The following EIF5A2 variants were observed in gnomAD, a reference collection of about 807,000 sequenced individuals.
The protein encoded by EIF5A2 is eukaryotic translation initiation factor 5A2, also known as eukaryotic translation initiation factor 5A-2.
Under a neutral mutation model 16.4 loss-of-function variants are expected in EIF5A2, and 15 were observed. The observed-to-expected ratio is 0.92, with a 90% CI of 0.61 to 1.41. The LOEUF (loss-of-function observed/expected upper bound fraction) is 1.41. Among genes scored for constraint, EIF5A2 ranks in the 40% most tolerant of loss-of-function variants. The pLI, the probability that EIF5A2 is intolerant of heterozygous loss-of-function variation, is 0.00. For missense variants in EIF5A2, 144 were observed against 189.5 expected (o/e 0.76, Z 1.41); for synonymous variants, 48 against 61.1 (o/e 0.79, Z 1.00).
chr3:170,896,920 G>C (rs1244114181), intron 3 of EIF5A2, among the ~76,000 whole-genome samples: 1 of 152,194 alleles, frequency 6.6e-6, no homozygotes, highest in African/African-American at 2.4e-5. Flanking sequence ...GTGAAGTCCA[G>C]GCTGAGGTGG....
At position 170,906,897 on chromosome 3, in the gene EIF5A2, C is replaced by G. The variant is rs147511047; in HGVS notation, c.270+92G>C. ...TAATTGGTTAGAAAAACCTACAAAA[C>G]TACTCTTGGGTTTTGTCAAATTATT... On this transcript the variant is annotated intron_variant, in intron 3 of 4. Transcript: ENST00000295822. The G allele has an allele frequency of 1.7e-3, 1,314 of 753,540 alleles. 2 individuals carry two copies. The highest frequency in any genetic ancestry group is 0.011 in the Middle Eastern group (29 of 2,638). 46.7% of individuals were successfully genotyped at this position (753,540 alleles called of 1,614,324 possible).
In EIF5A2 at chr3:170,889,376, AAAT is replaced by A. The variant is rs1411782187; in HGVS notation, c.*3981_*3983del. The A allele has an allele frequency of 1.3e-5, 2 of 152,454 alleles. No homozygotes were observed. The highest frequency in any genetic ancestry group is 2.9e-5 in the Non-Finnish European group (2 of 67,944). 9.4% of individuals were successfully genotyped at this position (152,454 alleles called of 1,614,324 possible). A position where few individuals can be genotyped will look rare whatever the true frequency, so the allele number is the denominator to read the frequency against. On this transcript the variant is annotated 3_prime_UTR_variant, in exon 5 of 5. Transcript: ENST00000295822. Reference sequence around the variant, plus strand: ...AATCCAAATGTTCCCTGCTAAAATCAAATAATGATGCCATATACCCAATTCAGA... The same window carrying A: ...AATCCAAATGTTCCCTGCTAAAATCAAATGATGCCATATACCCAATTCAGA...
chr3:170,899,623 T>G (rs1353316161), intron 3 of EIF5A2, among the ~76,000 whole-genome samples: 2 of 152,020 alleles, frequency 1.3e-5, no homozygotes, highest in Non-Finnish European at 1.5e-5. Flanking sequence ...AAATGTCAAT[T>G]TGTCCCATTA....
Position 170,907,039 on chromosome 3 carries a change from G to C in EIF5A2, c.220C>G (p.Pro74Ala). The change falls in exon 3 of 5, where the codon CCT (proline) becomes GCT (alanine). Residue 74 changes from proline (P) to alanine (A), a missense_variant. Transcript: ENST00000295822. ...GGAACATCCATGTTGTGAGTAGAAG[G>C]ACAAATATCTTCATATTTTTTGCCC... ...FTGKKYEDIC[P>A]STHNMDVPNI... 2 of 1,612,646 alleles carry C rather than the reference G, an allele frequency of 1.2e-6. No homozygotes were observed. The highest frequency in any genetic ancestry group is 2.2e-5 in the East Asian group (1 of 44,766).
intron 3 of EIF5A2, among the ~76,000 whole-genome samples, chr3:170,896,470 G>A (rs1348526871): frequency 6.6e-6 from 1 of 152,096 alleles, no homozygotes; most frequent in African/African-American, 2.4e-5. Context: ...TGGATCATGG[G>A]GTCAGTCTCC....
chr3:170,906,934 A>G, intron 3 of EIF5A2, 55 bp downstream of exon 3: 1 of 1,223,302 alleles, frequency 8.2e-7, no homozygotes, highest in Non-Finnish European at 1.2e-6. Context: ...CTGATAGTAC[A>G]AAGTATTTGC....
In EIF5A2 at chr3:170,888,952, A is replaced by G. The variant is rs1712452862; in HGVS notation, c.*4408T>C. ...TCGGTCATTGCTGAAAATAGTCCAG[A>G]GTTTTTTAAAAAGTGCAATCTTGAA... On this transcript the variant is annotated 3_prime_UTR_variant, in exon 5 of 5. Transcript: ENST00000295822. The G allele has an allele frequency of 6.6e-6, 1 of 150,720 alleles. No individual in the cohort carries two copies. Among genetic ancestry groups the G allele is most frequent in the Non-Finnish European group, 1.5e-5 (1 of 67,696 alleles). The allele number at this position is 150,720 out of a possible 1,614,324, so 9.3% of individuals were successfully genotyped here.
Position 170,894,715 on chromosome 3 carries a change from G to T in EIF5A2, c.271-292C>A, listed in dbSNP as rs182448650. Among the ~76,000 whole-genome samples the T allele has an allele frequency of 1.0e-4, 15 of 144,360 alleles. 1 individual carries two copies. The East Asian group carries it at 2.6e-3, about 25-fold the overall frequency. 94.7% of individuals were successfully genotyped at this position (144,360 alleles called of 152,430 possible). ...ACAAAATAAATATAGTTGCTGTTTT[G>T]TTTTTTTTTTTAATCAAAATGGGAT... is the stretch of plus-strand genomic sequence containing the variant. On this transcript the variant is annotated intron_variant, in intron 3 of 4. Coordinates refer to ENST00000295822, the MANE Select transcript of EIF5A2 (RefSeq NM_020390.6).
intron 3 of EIF5A2, among the ~76,000 whole-genome samples, chr3:170,903,317 A>C (rs1038768245): frequency 3.9e-5 from 6 of 152,182 alleles, no homozygotes; most frequent in African/African-American, 1.2e-4. Flanking sequence ...CAACACCCAG[A>C]TAATTCGCTG....
chr3:170,903,551 AC>A (rs1355200028), intron 3 of EIF5A2, among the ~76,000 whole-genome samples: 2 of 152,304 alleles, frequency 1.3e-5, no homozygotes, highest in East Asian at 3.9e-4. Context: ...TGATCCTGTA[AC>A]AAATATTTGC....
At chr3:170,898,389 G>A (rs189947142) in intron 3 of EIF5A2, among the ~76,000 whole-genome samples, 109 of 152,300 alleles carry the variant, frequency 7.2e-4, no homozygotes, top group African/African-American at 2.5e-3. Context: ...CATGTCAAGG[G>A]AGGAACCTGG....
chr3:170,906,056 C>T (rs866911191), intron 3 of EIF5A2, among the ~76,000 whole-genome samples: 3 of 151,838 alleles, frequency 2.0e-5, no homozygotes, highest in South Asian at 2.1e-4. Context: ...GAAATCATTG[C>T]GTAAGTGCAG....
chr3:170,906,988 C>T lies in EIF5A2; in HGVS notation c.270+1G>A, dbSNP rs1487198600. The T allele has an allele frequency of 6.3e-7, 1 of 1,579,738 alleles. No homozygotes were observed. The highest frequency in any genetic ancestry group is 8.7e-7 in the Non-Finnish European group (1 of 1,153,322). On this transcript the variant is annotated splice_donor_variant, in intron 3 of 4. Coordinates refer to ENST00000295822, the MANE Select transcript of EIF5A2 (RefSeq NM_020390.6). LOFTEE classifies it high-confidence loss of function. ...ACATTCTAAAGAAAATCAGTGCTTA[C>T]TTGATAATCATTTCTCTTAATATTT... is the stretch of plus-strand genomic sequence containing the variant.
intron 4 of EIF5A2, among the ~76,000 whole-genome samples, 188 bp from the exon 5 acceptor site, chr3:170,893,607 A>G (rs1712587638): frequency 6.6e-6 from 1 of 152,258 alleles, no homozygotes; most frequent in Admixed American, 6.5e-5. Context: ...TTGTAAGACA[A>G]CTTCCAGGGA....
At position 170,890,924 on chromosome 3, in the gene EIF5A2, T is replaced by C. The variant is rs948733192; in HGVS notation, c.*2436A>G. 4 of 152,746 alleles carry C rather than the reference T, an allele frequency of 2.6e-5. No individual in the cohort carries two copies. The highest frequency in any genetic ancestry group is 2.1e-4 in the South Asian group (1 of 4,826). The allele number at this position is 152,746 out of a possible 1,614,324, so 9.5% of individuals were successfully genotyped here. A position where few individuals can be genotyped will look rare whatever the true frequency, so the allele number is the denominator to read the frequency against. The stretch of plus-strand genomic sequence containing the variant: ...TTCTAGAGAAACATCTATTGACTTA[T>C]GTGAAAATAAAGTCCCATATCTTTA... On this transcript the variant is annotated 3_prime_UTR_variant, in exon 5 of 5. Transcript: ENST00000295822.
At position 170,894,337 on chromosome 3, in the gene EIF5A2, T is replaced by C. The variant is rs576306734; in HGVS notation, c.357A>G (p.Leu119=). 275 of 1,613,928 alleles carry C rather than the reference T, an allele frequency of 1.7e-4. No individual in the cohort carries two copies. The highest frequency in any genetic ancestry group is 2.3e-4 in the Non-Finnish European group (268 of 1,179,952). Residue 119 remains leucine (L), a synonymous_variant, in exon 4 of 5, where the codon CTA becomes CTG. Coordinates refer to ENST00000295822, the MANE Select transcript of EIF5A2 (RefSeq NM_020390.6). ...REDLKLPEGE[L]GKEIEGKYNA... ...TGTATTTTCCCTCTATTTCTTTGCCTAGTTCACCTTCTGGCAGTTTAAGAT... is the reference window on the plus strand; with the variant it reads ...TGTATTTTCCCTCTATTTCTTTGCCCAGTTCACCTTCTGGCAGTTTAAGAT...
chr3:170,907,196 C>A, intron 2 of EIF5A2, 103 bp from the exon 3 acceptor site: 1 of 679,766 alleles, frequency 1.5e-6, no homozygotes, highest in Admixed American at 3.2e-5. Flanking sequence ...GATTCTTTTT[C>A]TCCTCCTTCC....
intron 3 of EIF5A2, among the ~76,000 whole-genome samples, chr3:170,901,314 G>A (rs1712808240): frequency 6.6e-6 from 1 of 152,184 alleles, no homozygotes; most frequent in Non-Finnish European, 1.5e-5. Context: ...AAATGCTATA[G>A]TATATATGAA....
At chr3:170,907,528 A>C in intron 2 of EIF5A2, 114 bp downstream of exon 2, 1 of 1,269,822 alleles carries the variant, frequency 7.9e-7, no homozygotes, top group Non-Finnish European at 1.1e-6. Flanking sequence ...GTGGGAAGGA[A>C]AAAATAGTGC....
Sources: allele counts gnomAD v4.1 joint callset (sites outside exome capture counted in the v4.1 genomes callset), GRCh38; gene constraint gnomAD v4.1.1; transcripts MANE v1.5; gene names NCBI Gene and HGNC (gene_info 2026-07-23, HGNC 2026-07-21).